The following SVIL variants were observed in gnomAD, a reference collection of about 807,000 sequenced individuals.
SVIL encodes archvillin.
SVIL carries 101 observed loss-of-function variants against 240.4 expected under a neutral mutation model. That is an observed-to-expected ratio of 0.42 (90% CI 0.36 to 0.50). The LOEUF is 0.50. Among genes scored for constraint, SVIL ranks in the 20% least tolerant of loss-of-function variants. The probability of loss-of-function intolerance (pLI) is 0.01; values close to 1 mark genes in which losing one functional copy is unlikely to be tolerated. For synonymous variants in SVIL, 999 were observed against 1,100.0 expected (o/e 0.91, Z 1.82); for missense variants, 2,512 against 2,818.7 (o/e 0.89, Z 2.46).
chr10:29,521,658 T>C (rs1950570089), intron 16 of SVIL, among the ~76,000 whole-genome samples: 3 of 152,228 alleles, frequency 2.0e-5, no homozygotes, highest in Admixed American at 6.5e-5. Flanking sequence ...AAACTCTGAA[T>C]TTATTCCCAC....
Position 29,470,418 on chromosome 10 carries a change from A to G in SVIL, c.5701T>C (p.Cys1901Arg). The change falls in exon 32 of 38, where the codon TGT becomes CGT. Residue 1901 changes from cysteine to arginine, a missense_variant. Cys to Arg is a radical substitution (Grantham distance 180, BLOSUM62 -3). This residue lies in a region of SVIL where 797 missense variants were observed against 925.3 expected (regional missense o/e 0.86). Coordinates refer to ENST00000355867, the MANE Select transcript of SVIL (RefSeq NM_021738.3). ...PVEGNLLEVACHCSSLRSRTS... is the reference protein window; with the variant it reads ...PVEGNLLEVARHCSSLRSRTS... The stretch of plus-strand genomic sequence containing the variant: ...CTGGACCTCAGGCTGCTACAGTGAC[A>G]GGCCACTTCCAGCAAATTCCCTTCC... 1 of 1,614,218 alleles carries G rather than the reference A, an allele frequency of 6.2e-7. No individual in the cohort carries two copies. The highest frequency in any genetic ancestry group is 8.5e-7 in the Non-Finnish European group (1 of 1,180,040).
At chr10:29,570,657 T>C (rs1955358480) in intron 1 of SVIL, among the ~76,000 whole-genome samples, 1 of 152,234 alleles carries the variant, frequency 6.6e-6, no homozygotes, top group East Asian at 1.9e-4. Context: ...AAAAATATTT[T>C]AGCTAAAGTG....
At chr10:29,589,271 C>G (rs1487741122) in intron 1 of SVIL, among the ~76,000 whole-genome samples, 1 of 152,128 alleles carries the variant, frequency 6.6e-6, no homozygotes, top group Admixed American at 6.5e-5. Context: ...CGCACGGCCT[C>G]GACACTGAAG....
intron 1 of SVIL, among the ~76,000 whole-genome samples, chr10:29,614,196 A>G (rs1957352873): frequency 6.6e-6 from 1 of 152,244 alleles, no homozygotes; most frequent in African/African-American, 2.4e-5. Context: ...CAAATCATTT[A>G]CTTTTATCAC....
chr10:29,719,063 G>A (rs567107731), intron 1 of SVIL, among the ~76,000 whole-genome samples: 24 of 152,224 alleles, frequency 1.6e-4, no homozygotes, highest in Non-Finnish European at 3.2e-4. Context: ...AGCTGAGATC[G>A]TGCCACTGCA....
intron 1 of SVIL, among the ~76,000 whole-genome samples, chr10:29,597,478 G>T (rs1956640938): frequency 6.6e-6 from 1 of 152,072 alleles, no homozygotes; most frequent in South Asian, 2.1e-4. Context: ...GGAGAGCAGT[G>T]GCAATCTTGG....
intron 1 of SVIL, among the ~76,000 whole-genome samples, chr10:29,629,298 C>T (rs745838053): frequency 2.6e-5 from 4 of 152,080 alleles, no homozygotes; most frequent in South Asian, 2.1e-4. Context: ...TTCTCCTCCT[C>T]GGAAGCCCCC....
intron 1 of SVIL, among the ~76,000 whole-genome samples, chr10:29,725,996 A>T (rs1489867649): frequency 1.3e-5 from 2 of 152,168 alleles, no homozygotes; most frequent in African/African-American, 2.4e-5. Flanking sequence ...ATCATAGCTC[A>T]CTACAGCCTC....
chr10:29,525,093 A>C (rs1388182067), intron 13 of SVIL, among the ~76,000 whole-genome samples: 1 of 152,182 alleles, frequency 6.6e-6, no homozygotes, highest in Non-Finnish European at 1.5e-5. Context: ...GACCTTATCT[A>C]AAGATATGGT....
chr10:29,702,175 CAAAAAAAAAAAAA>C (rs60338711), intron 1 of SVIL, among the ~76,000 whole-genome samples: 2 of 61,660 alleles, frequency 3.2e-5, no homozygotes, highest in Middle Eastern at 0.015. Context: ...ACTCCATCTC[CAAAAAAAAAAAAA>C]AAAAAAAAAG....
intron 34 of SVIL, among the ~76,000 whole-genome samples, chr10:29,465,162 AAG>A (rs1287469499): frequency 2.6e-5 from 4 of 152,158 alleles, no homozygotes; most frequent in South Asian, 2.1e-4. Flanking sequence ...TATCTGATTA[AAG>A]AGAGAGAGTG....
At chr10:29,679,459 A>G (rs1474275995) in intron 2 of SVIL, among the ~76,000 whole-genome samples, 1 of 152,220 alleles carries the variant, frequency 6.6e-6, no homozygotes, top group Non-Finnish European at 1.5e-5. Flanking sequence ...ATATGTTATT[A>G]GAAAAACAAA....
At chr10:29,555,955 C>T (rs549482550) in intron 3 of SVIL, among the ~76,000 whole-genome samples, 2 of 152,192 alleles carry the variant, frequency 1.3e-5, no homozygotes, top group African/African-American at 4.8e-5. Context: ...AGGTCCTCCG[C>T]CTCCCTGCAC....
chr10:29,518,119 T>C (rs1950332397), intron 16 of SVIL, among the ~76,000 whole-genome samples: 1 of 152,156 alleles, frequency 6.6e-6, no homozygotes, highest in South Asian at 2.1e-4. Flanking sequence ...CTGGGTGTGG[T>C]GATCACGTCT....
Position 29,524,020 on chromosome 10 carries a change from C to A in SVIL, c.2594G>T (p.Ser865Ile). The A allele has an allele frequency of 1.2e-6, 2 of 1,605,406 alleles. No individual in the cohort carries two copies. Among genetic ancestry groups the A allele is most frequent in the Non-Finnish European group, 1.7e-6 (2 of 1,175,314 alleles). Residue 865 changes from serine to isoleucine, a missense_variant, in exon 15 of 38, where the codon AGT becomes ATT. Coordinates refer to ENST00000355867, the MANE Select transcript of SVIL (RefSeq NM_021738.3). The stretch of plus-strand genomic sequence containing the variant: ...AGGTGAGAAAGGAATGAGCTTTCCA[C>A]TCTGCACCTGGAAGGACACAGTTAA... ...VTLGEVEQVQSGKLIPFSPAV... is the reference protein window; with the variant it reads ...VTLGEVEQVQIGKLIPFSPAV...
intron 16 of SVIL, among the ~76,000 whole-genome samples, chr10:29,516,646 G>A (rs1002518044): frequency 6.6e-6 from 1 of 152,254 alleles, no homozygotes; most frequent in African/African-American, 2.4e-5. Flanking sequence ...GCTGTTTGCA[G>A]GACTGTGATG....
At chr10:29,702,175 CAAAAA>C (rs60338711) in intron 1 of SVIL, among the ~76,000 whole-genome samples, 9 of 61,652 alleles carry the variant, frequency 1.5e-4, no homozygotes, top group African/African-American at 4.1e-4. Flanking sequence ...ACTCCATCTC[CAAAAA>C]AAAAAAAAAA....
intron 1 of SVIL, among the ~76,000 whole-genome samples, chr10:29,594,567 T>C (rs1439751120): frequency 6.6e-6 from 1 of 151,258 alleles, no homozygotes; most frequent in Non-Finnish European, 1.5e-5. Flanking sequence ...TTCTTTTTTT[T>C]TTTTTTTGAA....
At chr10:29,646,004 C>G (rs1166175147) in intron 3 of SVIL, among the ~76,000 whole-genome samples, 2 of 152,200 alleles carry the variant, frequency 1.3e-5, no homozygotes, top group Non-Finnish European at 2.9e-5. Flanking sequence ...GCTTGTACCC[C>G]TAGTGACATG....
Sources: gnomAD v4.1 joint callset for allele counts (sites outside exome capture counted in the v4.1 genomes callset) on GRCh38, gnomAD v4.1.1 for gene constraint, gnomAD v4.1.1 regional missense constraint, MANE v1.5 for transcripts, NCBI Gene and HGNC (gene_info 2026-07-23, HGNC 2026-07-21) for gene names.